The following ABLIM3 variants were observed in gnomAD, a reference collection of about 807,000 sequenced individuals.
ABLIM3 encodes the protein actin binding LIM protein family member 3, also known as actin-binding LIM protein 3.
ABLIM3 carries 61 observed loss-of-function variants against 109.5 expected under a neutral mutation model. The observed-to-expected ratio is 0.56, with a 90% CI of 0.45 to 0.69. The LOEUF (loss-of-function observed/expected upper bound fraction) is 0.69, where lower values mean the gene tolerates loss of function less well. Ranked by LOEUF, ABLIM3 falls within the 30% of genes least tolerant of loss-of-function variation. The probability of loss-of-function intolerance (pLI) is 0.00; values close to 1 mark genes in which losing one functional copy is unlikely to be tolerated. For synonymous variants in ABLIM3, 300 were observed against 324.8 expected, an observed-to-expected ratio of 0.92 and a Z score of 0.82; for missense variants, 796 against 889.5, an observed-to-expected ratio of 0.89 and a Z score of 1.34.
chr5:149,188,598 G>A (rs973372354), intron 3 of ABLIM3, among the ~76,000 whole-genome samples: 1 of 152,190 alleles, frequency 6.6e-6, no homozygotes, highest in South Asian at 2.1e-4. Context: ...CTGCGTCTTC[G>A]CATGGCAGAG....
At chr5:149,168,666 A>G (rs1251913099) in intron 2 of ABLIM3, among the ~76,000 whole-genome samples, 1 of 152,228 alleles carries the variant, frequency 6.6e-6, no homozygotes, top group Non-Finnish European at 1.5e-5. Context: ...TTTCAATGCC[A>G]GTTGACTTTT....
Position 149,251,257 on chromosome 5 carries a change from A to G in ABLIM3, c.1789-102A>G, listed in dbSNP as rs570941731. On this transcript the variant is annotated intron_variant, in intron 20 of 23. Coordinates refer to ENST00000309868, the MANE Select transcript of ABLIM3 (RefSeq NM_014945.5). ...AGACAGAGGCTGCTGAGAAGGCCCT[A>G]TGTCCCACAAGCGCCAGTCCATTTT... is the stretch of plus-strand genomic sequence containing the variant. The G allele has an allele frequency of 2.1e-4, 273 of 1,307,972 alleles. No homozygotes were observed. In the African/African-American group the frequency reaches 3.5e-3, roughly 17 times the overall value. 81.0% of individuals were successfully genotyped at this position (1,307,972 alleles called of 1,614,324 possible).
At chr5:149,203,670 G>A (rs151037367) in intron 5 of ABLIM3, among the ~76,000 whole-genome samples, 539 of 148,706 alleles carry the variant, frequency 3.6e-3, no homozygotes, top group Admixed American at 5.9e-3. Context: ...TACCACTATC[G>A]CCAGCACCAG....
chr5:149,208,006 G>C (rs999173302), intron 6 of ABLIM3, among the ~76,000 whole-genome samples: 3 of 152,224 alleles, frequency 2.0e-5, no homozygotes, highest in African/African-American at 7.2e-5. Context: ...CCACTCTCTG[G>C]CCTGATGCCA....
chr5:149,225,771 G>A (rs1761123953), intron 8 of ABLIM3, among the ~76,000 whole-genome samples: 1 of 151,642 alleles, frequency 6.6e-6, no homozygotes, highest in Non-Finnish European at 1.5e-5. Context: ...CATCCTCATA[G>A]CTTAGCTCTC....
At position 149,191,571 on chromosome 5, in the gene ABLIM3, G is replaced by A. The variant is rs77430861; in HGVS notation, c.152-6648G>A. ...AGGGTACACTTCCTAACTCATTTGA[G>A]CCAGCACAATACCAAACAAGGAAAA... On this transcript the variant is annotated intron_variant, in intron 3 of 23. Transcript: ENST00000309868. 0.012 allele frequency among the ~76,000 whole-genome samples: 1,829 copies of A among 151,672 alleles called. 84 individuals are homozygous for A. In the East Asian group the frequency reaches 0.15, roughly 13 times the overall value.
intron 8 of ABLIM3, among the ~76,000 whole-genome samples, chr5:149,230,316 C>T (rs1426183120): frequency 3.9e-5 from 6 of 152,110 alleles, no homozygotes; most frequent in Non-Finnish European, 5.9e-5. Flanking sequence ...GCTACTGTGC[C>T]TTAAGGCTGT....
In ABLIM3 at chr5:149,228,840, AT is replaced by A. The variant is rs1369041605; in HGVS notation, c.758-1804del. On this transcript the variant is annotated intron_variant, in intron 8 of 23. Transcript: ENST00000309868. ...ATGCAGAGTGCTGAAGTTAATGGCC[AT>A]TTTTGGCTCAGTTTTATTTCAGAGT... is the stretch of plus-strand genomic sequence containing the variant. 4.4e-4 allele frequency among the ~76,000 whole-genome samples: 67 copies of A among 152,074 alleles called. 1 individual carries two copies. The highest frequency in any genetic ancestry group is 4.3e-3 in the Admixed American group (65 of 15,264).
chr5:149,247,557 TG>T, intron 17 of ABLIM3: 2 of 697,450 alleles, frequency 2.9e-6, no homozygotes, highest in Non-Finnish European at 5.2e-6. Context: ...CTTGCTTTTT[TG>T]TGCCCACCAC....
chr5:149,164,996 T>C (rs1581022509), intron 2 of ABLIM3, among the ~76,000 whole-genome samples: 1 of 152,224 alleles, frequency 6.6e-6, no homozygotes, highest in African/African-American at 2.4e-5. Flanking sequence ...GAACTGGTAA[T>C]TATGGTTGGA....
At position 149,240,433 on chromosome 5, in the gene ABLIM3, C is replaced by G. The variant is rs1017895133; in HGVS notation, c.1205-243C>G. On this transcript the variant is annotated intron_variant, in intron 13 of 23. Transcript: ENST00000309868. ...CTTCCTGGAGCTCAGTAGAGTTGAT[C>G]TTTACATCTCACAAAATCTGACTTT... The G allele has an allele frequency of 5.3e-6, 3 of 568,958 alleles. No homozygotes were observed. In the South Asian group the frequency reaches 6.3e-5, roughly 12 times the overall value. 35.2% of individuals were successfully genotyped at this position (568,958 alleles called of 1,614,324 possible).
intron 15 of ABLIM3, 85 bp downstream of exon 15, chr5:149,242,623 C>T: frequency 7.1e-7 from 1 of 1,409,176 alleles, no homozygotes; most frequent in Admixed American, 1.7e-5. Context: ...CACAGGCCAC[C>T]AGGAGCCACA....
At chr5:149,252,177 G>A in intron 21 of ABLIM3, 24 bp from the exon 22 acceptor site, 2 of 1,613,676 alleles carry the variant, frequency 1.2e-6, no homozygotes, top group Admixed American at 1.7e-5. Context: ...CATTCTGTGT[G>A]TGTGTCTCTT....
intron 2 of ABLIM3, 53 bp from the exon 3 acceptor site, chr5:149,183,399 A>C: frequency 6.8e-7 from 1 of 1,463,678 alleles, no homozygotes; most frequent in Non-Finnish European, 9.1e-7. Context: ...CTTGCAGCAG[A>C]CTTTGTAAAG....
chr5:149,171,488 TA>T (rs1417151026), intron 2 of ABLIM3, among the ~76,000 whole-genome samples: 5 of 152,210 alleles, frequency 3.3e-5, no homozygotes, highest in Non-Finnish European at 5.9e-5. Context: ...TGCTCACACT[TA>T]CACAGACTGA....
intron 3 of ABLIM3, among the ~76,000 whole-genome samples, chr5:149,191,074 A>G (rs1757431173): frequency 6.6e-6 from 1 of 152,190 alleles, no homozygotes; most frequent in African/African-American, 2.4e-5. Flanking sequence ...CAAGTAAAAT[A>G]GAAGGAAGGA....
At chr5:149,225,958 A>ATGTGTG (rs372337062) in intron 8 of ABLIM3, among the ~76,000 whole-genome samples, 3 of 98,084 alleles carry the variant, frequency 3.1e-5, no homozygotes, top group East Asian at 2.8e-4. Context: ...TGTATATAAT[A>ATGTGTG]TGTGTGTGTG....
chr5:149,194,867 G>A (rs944346837), intron 3 of ABLIM3, among the ~76,000 whole-genome samples: 12 of 152,148 alleles, frequency 7.9e-5, no homozygotes, highest in Non-Finnish European at 1.5e-5. Context: ...AGGAATTGGT[G>A]ATGTTCTGTT....
chr5:149,213,221 C>G (rs1561593801), intron 7 of ABLIM3, among the ~76,000 whole-genome samples: 2 of 152,264 alleles, frequency 1.3e-5, no homozygotes, highest in Admixed American at 6.5e-5. Context: ...AATAGCACCA[C>G]CAGAGTCCTC....
Sources: gnomAD v4.1 joint callset for allele counts (sites outside exome capture counted in the v4.1 genomes callset) on GRCh38, gnomAD v4.1.1 for gene constraint, MANE v1.5 for transcripts, NCBI Gene and HGNC (gene_info 2026-07-23, HGNC 2026-07-21) for gene names.